Variants in ISCA1 observed in about 807,000 individuals in gnomAD.
The protein encoded by ISCA1 is iron-sulfur cluster assembly 1.
Under a neutral mutation model 14.7 loss-of-function variants are expected in ISCA1, and 9 were observed. That is an observed-to-expected ratio of 0.61 (90% CI 0.37 to 1.07). The LOEUF is 1.07. ISCA1 is among the 50% of genes least tolerant of loss of function. The pLI is 0.01. For synonymous variants in ISCA1, 38 were observed against 54.3 expected (o/e 0.70, Z 1.32); for missense variants, 102 against 150.1 (o/e 0.68, Z 1.67).
Position 86,276,882 on chromosome 9 carries a change from A to AAAG in ISCA1, c.82-2641_82-2640insCTT, listed in dbSNP as rs1304593341. 2.4e-4 allele frequency among the ~76,000 whole-genome samples: 36 copies of AAAG among 150,242 alleles called. 1 individual carries two copies. Among genetic ancestry groups the AAAG allele is most frequent in the South Asian group, 2.3e-3 (11 of 4,758 alleles). On this transcript the variant is annotated intron_variant, in intron 1 of 3. Coordinates refer to ENST00000375991, the MANE Select transcript of ISCA1 (RefSeq NM_030940.4). The stretch of plus-strand genomic sequence containing the variant: ...TGAGACTCTGTCTCAAAAAAAAAAA[A>AAAG]AAAAAAAAAAAAAAGGCATAGCCAT...
intron 1 of ISCA1, 32 bp from the exon 2 acceptor site, chr9:86,274,274 A>G (rs1564009768): frequency 1.4e-6 from 2 of 1,432,352 alleles, no homozygotes; most frequent in Admixed American, 1.7e-5. Flanking sequence ...TTTAGCTACA[A>G]AACTTGTTAT....
chr9:86,273,443 T>G (rs942068081), intron 2 of ISCA1, among the ~76,000 whole-genome samples: 8 of 152,194 alleles, frequency 5.3e-5, no homozygotes, highest in African/African-American at 1.9e-4. Flanking sequence ...GCGGCAGCAC[T>G]GAATGAAAAC....
chr9:86,271,911 A>C (rs1825374613), intron 3 of ISCA1, 96 bp downstream of exon 3: 1 of 689,770 alleles, frequency 1.4e-6, no homozygotes, highest in South Asian at 1.7e-5. Flanking sequence ...TATTTACATA[A>C]TTCCTGCTAC....
intron 1 of ISCA1, chr9:86,282,084 C>A: frequency 2.3e-6 from 1 of 443,224 alleles, no homozygotes; most frequent in South Asian, 3.1e-5. Flanking sequence ...AGGCGATCGG[C>A]CCCCGGGGAC....
At chr9:86,273,425 T>G (rs1825398328) in intron 2 of ISCA1, among the ~76,000 whole-genome samples, 2 of 152,204 alleles carry the variant, frequency 1.3e-5, no homozygotes, top group African/African-American at 4.8e-5. Context: ...AGTTGCTGAA[T>G]GGTGTTTGCG....
chr9:86,273,442 C>T (rs983532395), intron 2 of ISCA1, among the ~76,000 whole-genome samples: 1 of 152,134 alleles, frequency 6.6e-6, no homozygotes, highest in Non-Finnish European at 1.5e-5. Context: ...TGCGGCAGCA[C>T]TGAATGAAAA....
At position 86,282,437 on chromosome 9, in the gene ISCA1, C is replaced by A. The variant is rs762510885; in HGVS notation, c.22G>T (p.Ala8Ser). 4.5e-6 allele frequency: 7 copies of A among 1,554,950 alleles called. No homozygotes were observed. The South Asian group carries it at 8.3e-5, about 18-fold the overall frequency. MSASLVRATVRAVSKRKL... is the reference protein window; with the variant it reads MSASLVRSTVRAVSKRKL... Reference sequence around the variant, plus strand: ...CTCTTGCTCACAGCCCGGACAGTTGCCCGGACTAAGGAAGCCGACATCTTC... The same window carrying A: ...CTCTTGCTCACAGCCCGGACAGTTGACCGGACTAAGGAAGCCGACATCTTC... Residue 8 changes from alanine (A) to serine (S), a missense_variant, in exon 1 of 4, where the codon GCA (alanine) becomes TCA (serine). Coordinates refer to ENST00000375991, the MANE Select transcript of ISCA1 (RefSeq NM_030940.4).
intron 2 of ISCA1, among the ~76,000 whole-genome samples, chr9:86,272,424 C>T (rs1825382184): frequency 6.6e-6 from 1 of 152,144 alleles, no homozygotes; most frequent in Non-Finnish European, 1.5e-5. Context: ...TTAGGATTCA[C>T]CAGGGTTCAT....
rs533283776 is a variant in ISCA1 at position 86,273,091 on chromosome 9, C to T, written c.136-979G>A. On this transcript the variant is annotated intron_variant, in intron 2 of 3. Coordinates refer to ENST00000375991, the MANE Select transcript of ISCA1 (RefSeq NM_030940.4). Reference sequence around the variant, plus strand: ...TTAGGCCAATTTGTAGTCTACTCATCGGTCTATCCAAATTGAATCAGAACA... The same window carrying T: ...TTAGGCCAATTTGTAGTCTACTCATTGGTCTATCCAAATTGAATCAGAACA... 2.2e-4 allele frequency among the ~76,000 whole-genome samples: 33 copies of T among 152,316 alleles called. 1 individual carries two copies. Among genetic ancestry groups the T allele is most frequent in the African/African-American group, 4.8e-4 (20 of 41,562 alleles).
intron 3 of ISCA1, among the ~76,000 whole-genome samples, chr9:86,271,550 G>A (rs923881776): frequency 6.6e-6 from 1 of 152,106 alleles, no homozygotes; most frequent in African/African-American, 2.4e-5. Context: ...CAGATTTTTG[G>A]ATTGGAATGC....
intron 3 of ISCA1, 146 bp from the exon 4 acceptor site, chr9:86,266,337 T>C (rs950612764): frequency 1.1e-5 from 14 of 1,294,702 alleles, no homozygotes; most frequent in African/African-American, 1.5e-5. Flanking sequence ...CTTAAGGAAT[T>C]AAGCATTCAG....
chr9:86,281,649 C>T (rs952275937), intron 1 of ISCA1, among the ~76,000 whole-genome samples: 3 of 152,250 alleles, frequency 2.0e-5, no homozygotes, highest in Admixed American at 2.0e-4. Flanking sequence ...GCGGCCGGAA[C>T]ACTGAGCTCA....
chr9:86,281,646 G>C (rs1200996560), intron 1 of ISCA1, among the ~76,000 whole-genome samples: 3 of 152,204 alleles, frequency 2.0e-5, no homozygotes, highest in Non-Finnish European at 4.4e-5. Flanking sequence ...GGTGCGGCCG[G>C]AACACTGAGC....
Position 86,274,143 on chromosome 9 carries a change from AATGCAGCTTCAGTTTTTTACTGAAT to A in ISCA1, c.135+21_135+45del, listed in dbSNP as rs777205633. On this transcript the variant is annotated intron_variant, in intron 2 of 3. Transcript: ENST00000375991. Reference sequence around the variant, plus strand: ...TATCATGGGATAAATTCATTCTGAAAATGCAGCTTCAGTTTTTTACTGAATAATTAACTGGTTTTACTTACATGCT... The same window carrying A: ...TATCATGGGATAAATTCATTCTGAAAAATTAACTGGTTTTACTTACATGCT... 440 of 1,051,226 alleles carry A rather than the reference AATGCAGCTTCAGTTTTTTACTGAAT, an allele frequency of 4.2e-4. 1 individual carries two copies. The highest frequency in any genetic ancestry group is 6.1e-4 in the Non-Finnish European group (410 of 675,512). 65.1% of individuals were successfully genotyped at this position (1,051,226 alleles called of 1,614,324 possible).
In ISCA1 at chr9:86,282,354, CCGCCGCG is replaced by C; in HGVS notation, c.81+17_81+23del. 1 of 1,537,314 alleles carries C rather than the reference CCGCCGCG, an allele frequency of 6.5e-7. No homozygotes were observed. The highest frequency in any genetic ancestry group is 8.8e-7 in the Non-Finnish European group (1 of 1,138,344). On this transcript the variant is annotated intron_variant, in intron 1 of 3. Transcript: ENST00000375991. ...GCGGACACGAGCAATGTCACGGGCC[CCGCCGCG>C]CGCCGCGAGCACTCACCAGGGTGAG...
At chr9:86,281,383 T>C (rs992164454) in intron 1 of ISCA1, among the ~76,000 whole-genome samples, 4 of 152,226 alleles carry the variant, frequency 2.6e-5, no homozygotes, top group African/African-American at 9.6e-5. Flanking sequence ...TGCAACAGAA[T>C]CGATGAGTCA....
In ISCA1 at chr9:86,264,875, T is replaced by TAA. The variant is rs1825276072; in HGVS notation, c.*1166_*1167dup. 1 of 152,166 alleles carries TAA rather than the reference T, an allele frequency of 6.6e-6. No individual in the cohort carries two copies. Among genetic ancestry groups the TAA allele is most frequent in the African/African-American group, 2.4e-5 (1 of 41,442 alleles). 9.4% of individuals were successfully genotyped at this position (152,166 alleles called of 1,614,324 possible). The stretch of plus-strand genomic sequence containing the variant: ...AACACTTTTAAAGAAAAGTTGGTGA[T>TAA]AAATATGTTAGGCTAAAATACTAAG... On this transcript the variant is annotated 3_prime_UTR_variant, in exon 4 of 4. Coordinates refer to ENST00000375991, the MANE Select transcript of ISCA1 (RefSeq NM_030940.4).
At chr9:86,282,155 T>TC in intron 1 of ISCA1, 1 of 562,756 alleles carries the variant, frequency 1.8e-6, no homozygotes, top group Non-Finnish European at 3.0e-6. Context: ...ACGGGAAACG[T>TC]AGTTTCCGGG....
At chr9:86,282,334 C>A (rs1436295781) in intron 1 of ISCA1, 44 bp downstream of exon 1, 2 of 1,529,608 alleles carry the variant, frequency 1.3e-6, no homozygotes, top group East Asian at 2.5e-5. Context: ...ACGGGGCGGA[C>A]ACGAGCAATG....
Sources: gnomAD v4.1 joint callset for allele counts (sites outside exome capture counted in the v4.1 genomes callset) on GRCh38, gnomAD v4.1.1 for gene constraint, MANE v1.5 for transcripts, NCBI Gene and HGNC (gene_info 2026-07-23, HGNC 2026-07-21) for gene names.